TACR3: variants seen among roughly 807,000 people sequenced by gnomAD.
The protein encoded by TACR3 is tachykinin receptor 3.
In TACR3, 34 loss-of-function variants were observed where a neutral mutation model predicts 35.0. The ratio of observed to expected loss-of-function variants is 0.97; its 90% CI spans 0.74 to 1.30. TACR3 has a LOEUF of 1.30. TACR3 is among the 50% of genes most tolerant of loss of function. TACR3 has a pLI of 0.00. For synonymous variants in TACR3, 233 were observed against 221.1 expected, an observed-to-expected ratio of 1.05 and a Z score of -0.48; for missense variants, 558 against 591.7, an observed-to-expected ratio of 0.94 and a Z score of 0.59.
chr4:103,707,856 C>T (rs1050656888), intron 1 of TACR3, among the ~76,000 whole-genome samples: 3 of 152,168 alleles, frequency 2.0e-5, no homozygotes, highest in Admixed American at 6.5e-5. Context: ...GAGATTATAT[C>T]CTGCGCCTGG....
intron 3 of TACR3, among the ~76,000 whole-genome samples, chr4:103,649,892 A>T (rs1075270): frequency 0.43 from 65,931 of 151,884 alleles, 17,258 homozygotes; most frequent in African/African-American, 0.75. Context: ...GTGATCCTGA[A>T]GGTCATGGAT....
intron 3 of TACR3, among the ~76,000 whole-genome samples, chr4:103,613,535 G>A (rs1296063376): frequency 3.3e-5 from 5 of 151,356 alleles, no homozygotes; most frequent in Non-Finnish European, 7.4e-5. Context: ...CACTATATTG[G>A]CCAGGCTGGT....
chr4:103,670,251 G>C (rs1397576257), intron 1 of TACR3, among the ~76,000 whole-genome samples: 1 of 152,058 alleles, frequency 6.6e-6, no homozygotes, highest in Non-Finnish European at 1.5e-5. Context: ...AGTATAACTT[G>C]AAGTCAGGTA....
chr4:103,651,499 C>G (rs1011980919), intron 3 of TACR3, among the ~76,000 whole-genome samples: 9 of 151,946 alleles, frequency 5.9e-5, no homozygotes, highest in East Asian at 2.0e-4. Context: ...GGGCTCCCAT[C>G]TGGTCCAGGT....
At chr4:103,670,451 T>G (rs1726030653) in intron 1 of TACR3, among the ~76,000 whole-genome samples, 1 of 152,076 alleles carries the variant, frequency 6.6e-6, no homozygotes, top group Non-Finnish European at 1.5e-5. Flanking sequence ...TATTAATTCT[T>G]CCAGGCCATG....
chr4:103,702,761 T>A (rs1379794098), intron 1 of TACR3, among the ~76,000 whole-genome samples: 1 of 151,916 alleles, frequency 6.6e-6, no homozygotes, highest in Non-Finnish European at 1.5e-5. Context: ...GGGACATGGA[T>A]GAAGCTGGAA....
Position 103,719,370 on chromosome 4 carries a change from T to A in TACR3, c.306A>T (p.Gly102=), listed in dbSNP as rs748567086. Residue 102 remains glycine (G), a synonymous_variant, in exon 1 of 5, where the codon GGA becomes GGT. Coordinates refer to ENST00000304883, the MANE Select transcript of TACR3 (RefSeq NM_001059.3). ...GGATGATCCAGATGACGATGAGATT[T>A]CCCAAAACTGCCACTGCCACCACCA... is the stretch of plus-strand genomic sequence containing the variant. ...YGVVVAVAVL[G]NLIVIWIILA... is the part of the protein sequence containing the mutation. 2 of 1,614,178 alleles carry A rather than the reference T, an allele frequency of 1.2e-6. No homozygotes were observed. The highest frequency in any genetic ancestry group is 2.7e-5 in the African/African-American group (2 of 75,030).
intron 3 of TACR3, among the ~76,000 whole-genome samples, chr4:103,592,556 A>C (rs1447114730): frequency 6.6e-6 from 1 of 152,214 alleles, no homozygotes; most frequent in Non-Finnish European, 1.5e-5. Context: ...AAATATATAT[A>C]GGATGAATGA....
chr4:103,719,435 G>T lies in TACR3; in HGVS notation c.241C>A (p.Pro81Thr). The T allele has an allele frequency of 1.2e-6, 2 of 1,614,246 alleles. No individual in the cohort carries two copies. The highest frequency in any genetic ancestry group is 1.6e-4 in the Middle Eastern group (1 of 6,062). The change falls in exon 1 of 5, where the codon CCG (proline) becomes ACG (threonine). Residue 81 changes from proline to threonine, a missense_variant. By Grantham distance (38) the Pro-to-Thr change is conservative (BLOSUM62 -1). Coordinates refer to ENST00000304883, the MANE Select transcript of TACR3 (RefSeq NM_001059.3). ...GACCAGAGCGCGATGCGCCAGGACG[G>T]CTGCACGAACTGGTTGGTGAGGTTG... Reference protein sequence around the residue: ...WANLTNQFVQPSWRIALWSLA... With the variant: ...WANLTNQFVQTSWRIALWSLA...
chr4:103,653,770 A>G (rs1167638106), intron 3 of TACR3, among the ~76,000 whole-genome samples: 2 of 152,022 alleles, frequency 1.3e-5, no homozygotes, highest in Non-Finnish European at 1.5e-5. Flanking sequence ...AACCCACAAA[A>G]TGGGAGAAAA....
In TACR3 at chr4:103,693,818, C is replaced by T. The variant is rs76217287; in HGVS notation, c.548+25310G>A. On this transcript the variant is annotated intron_variant, in intron 1 of 4. Coordinates refer to ENST00000304883, the MANE Select transcript of TACR3 (RefSeq NM_001059.3). Reference sequence around the variant, plus strand: ...CTCTTGTGTTTAGAGATTTTTTTCCCAGGTAAAATGAAGACCTTAATGATA... The same window carrying T: ...CTCTTGTGTTTAGAGATTTTTTTCCTAGGTAAAATGAAGACCTTAATGATA... Among the ~76,000 whole-genome samples, 1,235 of 151,796 alleles carry T rather than the reference C, an allele frequency of 8.1e-3. 19 individuals are homozygous for T. The highest frequency in any genetic ancestry group is 0.029 in the African/African-American group (1,182 of 41,430).
At chr4:103,691,674 C>A (rs113475041) in intron 1 of TACR3, among the ~76,000 whole-genome samples, 6,553 of 152,214 alleles carry the variant, frequency 0.043, 169 homozygotes, top group Non-Finnish European at 0.05. Context: ...GGCCCTAATG[C>A]CCAAGCTGGA....
At chr4:103,628,050 G>A (rs1206674125) in intron 3 of TACR3, among the ~76,000 whole-genome samples, 1 of 152,080 alleles carries the variant, frequency 6.6e-6, no homozygotes, top group Non-Finnish European at 1.5e-5. Flanking sequence ...TGACTACTGG[G>A]TAAACAATAA....
At chr4:103,695,787 A>ATTATGTTAAGAAAT (rs1244561964) in intron 1 of TACR3, among the ~76,000 whole-genome samples, 1 of 151,908 alleles carries the variant, frequency 6.6e-6, no homozygotes. Context: ...ATTTGCAGAT[A>ATTATGTTAAGAAAT]AATATTGTTT....
chr4:103,696,314 T>C (rs1216894261), intron 1 of TACR3, among the ~76,000 whole-genome samples: 1 of 152,056 alleles, frequency 6.6e-6, no homozygotes, highest in Non-Finnish European at 1.5e-5. Context: ...TGATAAAAGA[T>C]CAGAAACTCC....
At chr4:103,702,259 T>G (rs1722669605) in intron 1 of TACR3, among the ~76,000 whole-genome samples, 1 of 152,170 alleles carries the variant, frequency 6.6e-6, no homozygotes, top group African/African-American at 2.4e-5. Context: ...CACACACTTT[T>G]CAAAAGAAGA....
At chr4:103,673,942 C>T (rs2110204890) in intron 1 of TACR3, among the ~76,000 whole-genome samples, 2 of 152,202 alleles carry the variant, frequency 1.3e-5, no homozygotes, top group Middle Eastern at 6.8e-3. Flanking sequence ...TGTACAACTC[C>T]ATTCAATTTC....
At chr4:103,686,804 T>C (rs1362755934) in intron 1 of TACR3, among the ~76,000 whole-genome samples, 2 of 152,176 alleles carry the variant, frequency 1.3e-5, no homozygotes, top group African/African-American at 4.8e-5. Flanking sequence ...CACAGCCAAA[T>C]TCTACCAGAG....
At chr4:103,597,215 C>A (rs1724050922) in intron 3 of TACR3, among the ~76,000 whole-genome samples, 2 of 148,242 alleles carry the variant, frequency 1.3e-5, no homozygotes, top group South Asian at 4.3e-4. Context: ...TACAGTCCCA[C>A]CAACAGTGTA....
Sources: allele counts gnomAD v4.1 joint callset (sites outside exome capture counted in the v4.1 genomes callset), GRCh38; gene constraint gnomAD v4.1.1; transcripts MANE v1.5; gene names NCBI Gene and HGNC (gene_info 2026-07-23, HGNC 2026-07-21).